NXPE2: variants seen among roughly 807,000 people sequenced by gnomAD.
NXPE2 encodes neurexophilin and PC-esterase domain family member 2, also known as NXPE family member 2.
A neutral mutation model predicts 34.4 loss-of-function variants in NXPE2; 34 were observed. The observed-to-expected ratio is 0.99, with a 90% CI of 0.75 to 1.31. The LOEUF is 1.31. Ranked by LOEUF, NXPE2 falls within the 40% of genes most tolerant of loss-of-function variation. NXPE2 has a pLI of 0.00. For synonymous variants in NXPE2, 235 were observed against 231.3 expected, an observed-to-expected ratio of 1.02 and a Z score of -0.15; for missense variants, 649 against 672.5, an observed-to-expected ratio of 0.97 and a Z score of 0.39.
the NXPE2 span, among the ~76,000 whole-genome samples, chr11:114,485,696 T>C: frequency 6.6e-6 from 1 of 152,128 alleles, no homozygotes; most frequent in Non-Finnish European, 1.5e-5. Flanking sequence ...TCTATCTCCA[T>C]GAGTTCAATT....
At chr11:114,593,597 CTA>C in the NXPE2 span, among the ~76,000 whole-genome samples, 5 of 152,170 alleles carry the variant, frequency 3.3e-5, no homozygotes, top group African/African-American at 9.6e-5. Context: ...AGTACAACCA[CTA>C]TAGAGAACAG....
the NXPE2 span, among the ~76,000 whole-genome samples, chr11:114,628,946 C>A: frequency 1.1e-4 from 16 of 152,110 alleles, no homozygotes; most frequent in East Asian, 2.9e-3. Context: ...TTCCTCGACA[C>A]ATACACCCTC....
At chr11:114,466,828 T>C in the NXPE2 span, among the ~76,000 whole-genome samples, 1 of 152,166 alleles carries the variant, frequency 6.6e-6, no homozygotes, top group Admixed American at 6.5e-5. Flanking sequence ...TTATTTCATG[T>C]AGAGCAGTTT....
intron 2 of NXPE2, among the ~76,000 whole-genome samples, chr11:114,687,268 C>T (rs1381014300): frequency 6.6e-6 from 1 of 152,046 alleles, no homozygotes; most frequent in East Asian, 1.9e-4. Context: ...AGTCTTTAAC[C>T]CATTTTGAGT....
chr11:114,498,332 T>A, the NXPE2 span, among the ~76,000 whole-genome samples: 1 of 152,080 alleles, frequency 6.6e-6, no homozygotes, highest in African/African-American at 2.4e-5. Flanking sequence ...CACAAAAAAA[T>A]GATAAATACT....
At chr11:114,482,775 A>G in the NXPE2 span, among the ~76,000 whole-genome samples, 41 of 152,324 alleles carry the variant, frequency 2.7e-4, no homozygotes, top group Non-Finnish European at 5.6e-4. Context: ...GACTTTCTCC[A>G]ACACTTCTCT....
the NXPE2 span, among the ~76,000 whole-genome samples, chr11:114,496,738 G>A: frequency 8.5e-5 from 13 of 152,254 alleles, no homozygotes; most frequent in East Asian, 2.5e-3. Flanking sequence ...GTCACCTGCT[G>A]TGTAATGTTT....
At chr11:114,813,173 T>A in the NXPE2 span, among the ~76,000 whole-genome samples, 1 of 152,364 alleles carries the variant, frequency 6.6e-6, no homozygotes. Context: ...AAAGCTGCTG[T>A]ATCCACCCAG....
At chr11:114,668,197 G>A in the NXPE2 span, among the ~76,000 whole-genome samples, 1 of 152,006 alleles carries the variant, frequency 6.6e-6, no homozygotes, top group Admixed American at 6.6e-5. Flanking sequence ...CTGTGGCTGG[G>A]ACTCTGCAAA....
the NXPE2 span, among the ~76,000 whole-genome samples, chr11:114,651,794 GAC>G: frequency 6.6e-6 from 1 of 152,144 alleles, no homozygotes; most frequent in Non-Finnish European, 1.5e-5. Flanking sequence ...CCTTTAGCTA[GAC>G]ACAGAGTGCT....
chr11:114,733,606 C>T, the NXPE2 span, among the ~76,000 whole-genome samples: 1 of 152,132 alleles, frequency 6.6e-6, no homozygotes, highest in Non-Finnish European at 1.5e-5. Context: ...ATACATTGCC[C>T]TTCCTTTCTT....
chr11:114,733,814 T>G, the NXPE2 span, among the ~76,000 whole-genome samples: 1 of 152,312 alleles, frequency 6.6e-6, no homozygotes, highest in Middle Eastern at 3.4e-3. Context: ...TTAACTTGAA[T>G]TACCTCCAGA....
chr11:114,745,735 G>A, the NXPE2 span, among the ~76,000 whole-genome samples: 14 of 151,780 alleles, frequency 9.2e-5, no homozygotes, highest in Non-Finnish European at 1.9e-4. Flanking sequence ...CAAAAATAAG[G>A]TAGAAAAACT....
the NXPE2 span, among the ~76,000 whole-genome samples, chr11:114,716,390 T>G: frequency 2.0e-5 from 3 of 152,166 alleles, no homozygotes; most frequent in Non-Finnish European, 4.4e-5. Context: ...GCACATTAAT[T>G]ACCCCAGGAA....
At chr11:114,626,471 T>G in the NXPE2 span, among the ~76,000 whole-genome samples, 186 of 152,298 alleles carry the variant, frequency 1.2e-3, no homozygotes, top group African/African-American at 4.1e-3. Flanking sequence ...CGGTCCTGTC[T>G]GTTAGAAGGA....
At chr11:114,678,082 A>G (rs1024030875), upstream of NXPE2, among the ~76,000 whole-genome samples, 2 of 152,100 alleles carry the variant, frequency 1.3e-5, no homozygotes, top group Non-Finnish European at 2.9e-5. Flanking sequence ...AGCAAGAGAA[A>G]GTTTACAAAG....
the NXPE2 span, among the ~76,000 whole-genome samples, chr11:114,806,708 C>T: frequency 8.5e-5 from 13 of 152,094 alleles, no homozygotes; most frequent in East Asian, 3.9e-4. Flanking sequence ...ACCAAATCTA[C>T]GTCTGATTGG....
At chr11:114,601,885 T>A in the NXPE2 span, among the ~76,000 whole-genome samples, 312 of 680 alleles carry the variant, frequency 0.46, 2 homozygotes, top group Middle Eastern at 0.5. Context: ...TATATATAAT[T>A]ATATATTATA....
the NXPE2 span, chr11:114,584,714 C>G: frequency 1.3e-5 from 2 of 153,080 alleles, no homozygotes; most frequent in African/African-American, 4.8e-5. Flanking sequence ...CTCCCCTGCT[C>G]TGGCTTCCTG....
Sources: allele counts gnomAD v4.1 joint callset (sites outside exome capture counted in the v4.1 genomes callset), GRCh38; gene constraint gnomAD v4.1.1; transcripts MANE v1.5; gene names NCBI Gene and HGNC (gene_info 2026-07-23, HGNC 2026-07-21).